PCAT7: variants seen among roughly 807,000 people sequenced by gnomAD.
PCAT7 encodes the protein prostate cancer associated transcript 7 (non-protein coding).
At chr9:94,573,279 G>A (rs1433281348) in intron 3 of PCAT7, among the ~76,000 whole-genome samples, 2 of 152,184 alleles carry the variant, frequency 1.3e-5, no homozygotes, top group African/African-American at 4.8e-5. Flanking sequence ...TTTTTTCAGA[G>A]ACAGGGTCTT....
chr9:94,562,112 C>A (rs1223029917), intron 2 of PCAT7, among the ~76,000 whole-genome samples: 1 of 151,960 alleles, frequency 6.6e-6, no homozygotes, highest in Non-Finnish European at 1.5e-5. Context: ...GAGATCGAGA[C>A]CATCCTGGCT....
intron 3 of PCAT7, among the ~76,000 whole-genome samples, chr9:94,573,548 T>A (rs1827289786): frequency 6.6e-6 from 1 of 152,224 alleles, no homozygotes; most frequent in Non-Finnish European, 1.5e-5. Flanking sequence ...GAGTGTTGAA[T>A]TTGTTCAAAT....
Position 94,555,593 on chromosome 9 carries a change from A to G in PCAT7, n.257+283A>G, listed in dbSNP as rs142132710. Among the ~76,000 whole-genome samples the G allele has an allele frequency of 1.5e-3, 214 of 143,990 alleles. 1 individual carries two copies. In the East Asian group the frequency reaches 0.019, roughly 13 times the overall value. 94.5% of individuals were successfully genotyped at this position (143,990 alleles called of 152,430 possible). ...AGAGGAAAGAGTGGTGAGGGGGGGA[A>G]AATGGGCGAGCAGTAGGGAGAGAAG... On this transcript the variant is annotated intron_variant and non_coding_transcript_variant, in intron 1 of 8. Coordinates refer to ENST00000647389, the Ensembl canonical transcript of PCAT7.
intron 2 of PCAT7, among the ~76,000 whole-genome samples, chr9:94,566,624 G>A (rs1827193576): frequency 6.6e-6 from 1 of 152,192 alleles, no homozygotes; most frequent in South Asian, 2.1e-4. Flanking sequence ...ATATTTCTGT[G>A]TGTGTGTCTT....
intron 2 of PCAT7, chr9:94,567,604 A>G: frequency 1.8e-6 from 1 of 560,748 alleles, no homozygotes; most frequent in Non-Finnish European, 3.1e-6. Context: ...CCACACAGGA[A>G]GCTCTAGCAG....
intron 2 of PCAT7, chr9:94,570,447 C>A (rs660911): frequency 0.48 from 73,503 of 151,616 alleles, 18,375 homozygotes; most frequent in East Asian, 0.6. Flanking sequence ...TCTCATAGGG[C>A]CACTGTGACA....
chr9:94,568,722 TAAC>T (rs940398745), intron 2 of PCAT7: 1 of 152,096 alleles, frequency 6.6e-6, no homozygotes, highest in African/African-American at 2.4e-5. Context: ...GGAGACTCAA[TAAC>T]AAAAACAACT....
intron 2 of PCAT7, among the ~76,000 whole-genome samples, chr9:94,564,924 TAGA>T (rs1487894238): frequency 1.3e-5 from 2 of 152,134 alleles, no homozygotes; most frequent in South Asian, 2.1e-4. Context: ...TTCAAAAAGC[TAGA>T]AGGAGGATAT....
chr9:94,562,852 T>C (rs145963940), intron 2 of PCAT7, among the ~76,000 whole-genome samples: 1 of 152,342 alleles, frequency 6.6e-6, no homozygotes, highest in East Asian at 1.9e-4. Flanking sequence ...GAAGTTCTTA[T>C]TCTGAGGTTT....
At chr9:94,559,734 C>T (rs188703417) in intron 2 of PCAT7, among the ~76,000 whole-genome samples, 37 of 152,258 alleles carry the variant, frequency 2.4e-4, no homozygotes, top group African/African-American at 8.7e-4. Context: ...CCTGTACTTC[C>T]CCTCTGGTAC....
intron 2 of PCAT7, chr9:94,567,150 T>G: frequency 1.0e-6 from 1 of 966,966 alleles, no homozygotes; most frequent in Non-Finnish European, 1.6e-6. Flanking sequence ...ATCTTCATAC[T>G]GACCACAGCC....
intron 2 of PCAT7, chr9:94,563,603 T>G (rs1827142254): frequency 5.4e-6 from 5 of 917,566 alleles, no homozygotes; most frequent in Non-Finnish European, 8.2e-6. Context: ...ATTGAAAAGA[T>G]TATATAATTG....
chr9:94,564,806 C>CT (rs1235435458), intron 2 of PCAT7, among the ~76,000 whole-genome samples: 4 of 151,992 alleles, frequency 2.6e-5, no homozygotes, highest in African/African-American at 9.7e-5. Context: ...ACCCCTGAAT[C>CT]TAAAATAAAA....
At chr9:94,561,059 C>T (rs1244294137) in intron 2 of PCAT7, among the ~76,000 whole-genome samples, 2 of 152,086 alleles carry the variant, frequency 1.3e-5, no homozygotes, top group Non-Finnish European at 2.9e-5. Flanking sequence ...CTGTCCAGGA[C>T]AGTCTAGCCA....
chr9:94,568,749 C>T (rs1181725138), intron 2 of PCAT7: 2 of 152,186 alleles, frequency 1.3e-5, no homozygotes, highest in Non-Finnish European at 2.9e-5. Flanking sequence ...CAATCCTTTC[C>T]TGCCTAACAT....
chr9:94,562,065 A>G (rs962913014), intron 2 of PCAT7, among the ~76,000 whole-genome samples: 31 of 152,152 alleles, frequency 2.0e-4, no homozygotes. Flanking sequence ...TAATCCCAGC[A>G]CTTTGGGAGG....
chr9:94,558,744 T>C, intron 1 of PCAT7: 1 of 572,580 alleles, frequency 1.7e-6, no homozygotes, highest in Non-Finnish European at 3.1e-6. Context: ...TTTTTATTTC[T>C]AGTCCTTCAC....
At chr9:94,561,429 C>G (rs1587835291) in intron 2 of PCAT7, among the ~76,000 whole-genome samples, 1 of 136,640 alleles carries the variant, frequency 7.3e-6, no homozygotes, top group African/African-American at 2.8e-5. Context: ...GTGGCGCGAT[C>G]TCGGCTCACT....
intron 2 of PCAT7, among the ~76,000 whole-genome samples, chr9:94,571,935 ACT>A: frequency 6.6e-6 from 1 of 152,154 alleles, no homozygotes; most frequent in East Asian, 1.9e-4. Flanking sequence ...AACTCAGATC[ACT>A]GAGCTGAGCG....
Sources: gnomAD v4.1 joint callset for allele counts (sites outside exome capture counted in the v4.1 genomes callset) on GRCh38, gnomAD v4.1.1 for gene constraint, MANE v1.5 for transcripts, NCBI Gene and HGNC (gene_info 2026-07-23, HGNC 2026-07-21) for gene names.